The following SULF2 variants were observed in gnomAD, a reference collection of about 807,000 sequenced individuals.
SULF2 encodes extracellular sulfatase Sulf-2.
In SULF2, 52 loss-of-function variants were observed where a neutral mutation model predicts 107.7. The observed-to-expected ratio is 0.48, with a 90% CI of 0.39 to 0.61. The LOEUF (loss-of-function observed/expected upper bound fraction) is 0.61, where lower values mean the gene tolerates loss of function less well. Among genes scored for constraint, SULF2 ranks in the 20% least tolerant of loss-of-function variants. The pLI is 0.00. For synonymous variants in SULF2, 460 were observed against 464.3 expected (o/e 0.99, Z 0.12); for missense variants, 993 against 1,177.3 (o/e 0.84, Z 2.29).
rs1414591355 is a variant in SULF2 at position 47,694,901 on chromosome 20, A to G, written c.568-4606T>C. ...GTCACAGCAACTTTGACAAGTGGAC[A>G]TTATACCCATTTTACAGATAAGGAA... On this transcript the variant is annotated intron_variant, in intron 4 of 20. Coordinates refer to ENST00000688720, the MANE Select transcript of SULF2 (RefSeq NM_001387048.1). The surrounding 1 kb of genome is among the most constrained non-coding windows in gnomAD (Gnocchi z 4.4). Among the ~76,000 whole-genome samples the G allele has an allele frequency of 6.6e-6, 1 of 152,228 alleles. No individual in the cohort carries two copies. The highest frequency in any genetic ancestry group is 2.1e-4 in the South Asian group (1 of 4,830).
intron 2 of SULF2, among the ~76,000 whole-genome samples, chr20:47,756,800 C>T (rs1325073189): frequency 6.6e-6 from 1 of 152,178 alleles, no homozygotes; most frequent in East Asian, 1.9e-4. Flanking sequence ...TGTGCGCCAT[C>T]ATGCCTGGCT....
chr20:47,739,142 C>T (rs896650343), intron 2 of SULF2, among the ~76,000 whole-genome samples: 1 of 152,184 alleles, frequency 6.6e-6, no homozygotes, highest in African/African-American at 2.4e-5. Context: ...TTTGGACTTC[C>T]GGCCTCCAGA....
At chr20:47,779,756 G>A (rs1035200681) in intron 1 of SULF2, among the ~76,000 whole-genome samples, 2 of 151,978 alleles carry the variant, frequency 1.3e-5, no homozygotes, top group African/African-American at 2.4e-5. Flanking sequence ...ACAGGTGTGC[G>A]CCACCGTGCC....
At chr20:47,679,596 TG>T (rs923262593) in intron 7 of SULF2, among the ~76,000 whole-genome samples, 2 of 152,204 alleles carry the variant, frequency 1.3e-5, no homozygotes, top group African/African-American at 2.4e-5. Flanking sequence ...GCAGACTGCA[TG>T]GGTTCAAGTC....
intron 1 of SULF2, among the ~76,000 whole-genome samples, chr20:47,776,472 A>G (rs1488918792): frequency 6.6e-6 from 1 of 152,214 alleles, no homozygotes; most frequent in Non-Finnish European, 1.5e-5. Flanking sequence ...ACTAGCCTGT[A>G]CAAAGTGCTC....
chr20:47,726,341 G>A (rs1336877078), intron 3 of SULF2, among the ~76,000 whole-genome samples: 1 of 152,022 alleles, frequency 6.6e-6, no homozygotes, highest in Non-Finnish European at 1.5e-5. Context: ...AAGTAGCTGG[G>A]ACTACAAGCA....
At chr20:47,665,639 C>T (rs997882727) in intron 13 of SULF2, among the ~76,000 whole-genome samples, 1 of 152,246 alleles carries the variant, frequency 6.6e-6, no homozygotes, top group Non-Finnish European at 1.5e-5. Context: ...AGGGGGACAA[C>T]GTGGCTAAGC....
rs149762322 is a variant in SULF2 at position 47,664,776 on chromosome 20, G to A, written c.1997+423C>T. Among the ~76,000 whole-genome samples the A allele has an allele frequency of 4.6e-5, 7 of 152,374 alleles. No homozygotes were observed. The East Asian group carries it at 7.7e-4, about 17-fold the overall frequency. Reference sequence around the variant, plus strand: ...AAAATTTTAAGTATGCACCAGCCACGTGTGGTGTAGTGCAGATATAGCCCA... The same window carrying A: ...AAAATTTTAAGTATGCACCAGCCACATGTGGTGTAGTGCAGATATAGCCCA... On this transcript the variant is annotated intron_variant, in intron 14 of 20. Coordinates refer to ENST00000688720, the MANE Select transcript of SULF2 (RefSeq NM_001387048.1).
chr20:47,771,768 G>C (rs1247490026), intron 1 of SULF2, among the ~76,000 whole-genome samples: 2 of 152,190 alleles, frequency 1.3e-5, no homozygotes, highest in Non-Finnish European at 2.9e-5. Context: ...TGCTGGGCCA[G>C]GGCTCCGGGG....
chr20:47,768,484 C>T (rs1362212435), intron 1 of SULF2, among the ~76,000 whole-genome samples: 1 of 152,208 alleles, frequency 6.6e-6, no homozygotes, highest in South Asian at 2.1e-4. Flanking sequence ...AATTGGGGGG[C>T]GGGCTGGAGG....
At position 47,731,183 on chromosome 20, in the gene SULF2, TTC is replaced by T. The variant is rs200339548; in HGVS notation, c.415+5518_415+5519del. ...ACTCTGCCTGCTACTCACCTGTATC[TTC>T]TCTTTTTTTTTTTTTTTTTTTTTTT... On this transcript the variant is annotated intron_variant, in intron 3 of 20. Transcript: ENST00000688720. Among the ~76,000 whole-genome samples, 982 of 112,238 alleles carry T rather than the reference TTC, an allele frequency of 8.7e-3. 47 individuals carry two copies. The highest frequency in any genetic ancestry group is 0.019 in the Middle Eastern group (4 of 208). The allele number at this position is 112,238 out of a possible 152,430, so 73.6% of individuals were successfully genotyped here. A position where few individuals can be genotyped will look rare whatever the true frequency, so the allele number is the denominator to read the frequency against.
At chr20:47,706,530 T>C (rs2088743311) in intron 3 of SULF2, 1 of 152,206 alleles carries the variant, frequency 6.6e-6, no homozygotes, top group Admixed American at 6.5e-5. Flanking sequence ...CAATAAAACT[T>C]TATTTACTAA....
intron 2 of SULF2, among the ~76,000 whole-genome samples, chr20:47,753,863 T>C (rs1055633627): frequency 1.3e-5 from 2 of 152,216 alleles, no homozygotes; most frequent in African/African-American, 4.8e-5. Context: ...ACAAAGGACG[T>C]CTGCAAACGA....
chr20:47,743,500 G>C (rs1291820018), intron 2 of SULF2, among the ~76,000 whole-genome samples: 2 of 152,124 alleles, frequency 1.3e-5, no homozygotes, highest in Admixed American at 1.3e-4. Flanking sequence ...TGTACAGGTG[G>C]GGCTTCACCA....
chr20:47,729,880 C>T (rs2146746964), intron 3 of SULF2, among the ~76,000 whole-genome samples: 1 of 152,342 alleles, frequency 6.6e-6, no homozygotes, highest in Middle Eastern at 3.4e-3. Context: ...CGCAGCAGCC[C>T]TCCTGCCCCT....
Position 47,663,050 on chromosome 20 carries a change from C to T in SULF2, c.2370+20G>A, listed in dbSNP as rs754188712. 6.2e-7 allele frequency: 1 copy of T among 1,613,892 alleles called. No homozygotes were observed. The highest frequency in any genetic ancestry group is 8.5e-7 in the Non-Finnish European group (1 of 1,179,956). ...TGGTGTACCCCACACCCCCATCCCTCTAGCTCGGGTTGCCTGTACCTGGTA... is the reference window on the plus strand; with the variant it reads ...TGGTGTACCCCACACCCCCATCCCTTTAGCTCGGGTTGCCTGTACCTGGTA... On this transcript the variant is annotated intron_variant, in intron 17 of 20. Coordinates refer to ENST00000688720, the MANE Select transcript of SULF2 (RefSeq NM_001387048.1).
At chr20:47,722,258 A>C (rs1354146523) in intron 3 of SULF2, among the ~76,000 whole-genome samples, 1 of 152,036 alleles carries the variant, frequency 6.6e-6, no homozygotes, top group East Asian at 1.9e-4. Context: ...AGAGTTCTCC[A>C]TCTGTTCATT....
At chr20:47,700,637 C>CTTTTTTTTT (rs59966689) in intron 4 of SULF2, among the ~76,000 whole-genome samples, 7 of 126,210 alleles carry the variant, frequency 5.5e-5, no homozygotes, top group Non-Finnish European at 6.4e-5. Context: ...GGTGCAACAT[C>CTTTTTTTTT]TTTTTTTTTT....
chr20:47,679,915 A>T (rs1351829840), intron 7 of SULF2, among the ~76,000 whole-genome samples: 1 of 151,074 alleles, frequency 6.6e-6, no homozygotes, highest in East Asian at 1.9e-4. Context: ...AAGACTTATC[A>T]CCATCTCATA....
Sources: gnomAD v4.1 joint callset for allele counts (sites outside exome capture counted in the v4.1 genomes callset) on GRCh38, gnomAD v4.1.1 for gene constraint, Gnocchi (gnomAD v3.1) non-coding constraint, MANE v1.5 for transcripts, NCBI Gene and HGNC (gene_info 2026-07-23, HGNC 2026-07-21) for gene names.